Variants in ATG10 observed in about 807,000 individuals in gnomAD.
ATG10 encodes autophagy related 10.
In ATG10, 30 loss-of-function variants were observed where a neutral mutation model predicts 32.1. That is an observed-to-expected ratio of 0.94 (90% CI 0.70 to 1.27). The LOEUF (loss-of-function observed/expected upper bound fraction) is 1.27, where lower values mean the gene tolerates loss of function less well. ATG10 is among the 50% of genes most tolerant of loss of function. The pLI is 0.00. For synonymous variants in ATG10, 87 were observed against 91.5 expected (o/e 0.95, Z 0.28); for missense variants, 233 against 262.3 (o/e 0.89, Z 0.77).
At chr5:81,981,268 A>G (rs1267743400) in intron 1 of ATG10, among the ~76,000 whole-genome samples, 1 of 152,210 alleles carries the variant, frequency 6.6e-6, no homozygotes, top group Non-Finnish European at 1.5e-5. Context: ...CTTTGAAAGT[A>G]TCCCAGGTGC....
chr5:82,214,969 G>T (rs1326334429), intron 5 of ATG10, among the ~76,000 whole-genome samples: 1 of 152,178 alleles, frequency 6.6e-6, no homozygotes, highest in African/African-American at 2.4e-5. Flanking sequence ...TAGCATGGAT[G>T]AAGACATGTA....
At chr5:82,217,108 C>A (rs1015945995) in intron 5 of ATG10, among the ~76,000 whole-genome samples, 4 of 148,206 alleles carry the variant, frequency 2.7e-5, no homozygotes, top group Non-Finnish European at 4.6e-5. Context: ...TTACTTGAAA[C>A]CTGTTTTATA....
intron 3 of ATG10, among the ~76,000 whole-genome samples, chr5:82,111,028 G>T (rs1033671163): frequency 1.3e-5 from 2 of 151,820 alleles, no homozygotes; most frequent in Admixed American, 6.6e-5. Context: ...TTAGAGTTAT[G>T]GTTTTAGGAT....
rs551535574 is a variant in ATG10, at chr5:82,158,398, C to T, written c.217-6001C>T. ...GTTCCGTATCCATGGATTTAGACAA[C>T]CAGGATCAAAACTGTAGTTAGGACT... On this transcript the variant is annotated intron_variant, in intron 3 of 7. Coordinates refer to ENST00000282185, the MANE Select transcript of ATG10 (RefSeq NM_031482.5). Among the ~76,000 whole-genome samples, 9 of 141,934 alleles carry T rather than the reference C, an allele frequency of 6.3e-5. No individual in the cohort carries two copies. The South Asian group carries it at 2.1e-3, about 34-fold the overall frequency. The allele number at this position is 141,934 out of a possible 152,430, so 93.1% of individuals were successfully genotyped here. A position where few individuals can be genotyped will look rare whatever the true frequency, so the allele number is the denominator to read the frequency against.
chr5:82,090,899 A>G lies in ATG10; in HGVS notation c.216+32297A>G, dbSNP rs114443553. On this transcript the variant is annotated intron_variant, in intron 3 of 7. Coordinates refer to ENST00000282185, the MANE Select transcript of ATG10 (RefSeq NM_031482.5). ...GAAAATGATTTTAAAGCTGATAACT[A>G]GGAGGATGAAGGTGCTTTTTAATAT... 5.3e-3 allele frequency among the ~76,000 whole-genome samples: 802 copies of G among 152,344 alleles called. 3 individuals are homozygous for G. Among genetic ancestry groups the G allele is most frequent in the African/African-American group, 0.018 (761 of 41,586 alleles).
Position 82,080,860 on chromosome 5 carries a change from C to T in ATG10, c.216+22258C>T, listed in dbSNP as rs188856536. Among the ~76,000 whole-genome samples, 51 of 152,184 alleles carry T rather than the reference C, an allele frequency of 3.4e-4. No individual in the cohort carries two copies. In the East Asian group the frequency reaches 6.9e-3, roughly 21 times the overall value. ...TGGCAGTGTGGGCTCTTTTTTGTTC[C>T]GTATGAACTTTAAGGTAGTTTTTTC... On this transcript the variant is annotated intron_variant, in intron 3 of 7. Transcript: ENST00000282185.
At chr5:81,993,324 T>C (rs62367450) in intron 2 of ATG10, among the ~76,000 whole-genome samples, 52,879 of 100,512 alleles carry the variant, frequency 0.53, 16,365 homozygotes, top group East Asian at 0.88. Context: ...TCTTTCTTTC[T>C]TTCCTTCCTT....
intron 3 of ATG10, among the ~76,000 whole-genome samples, chr5:82,149,672 G>T (rs539565474): frequency 6.6e-6 from 1 of 151,520 alleles, no homozygotes; most frequent in South Asian, 2.1e-4. Context: ...TACACTGACA[G>T]TTTGAAAATC....
chr5:82,184,354 T>G (rs941867307), intron 5 of ATG10, among the ~76,000 whole-genome samples: 3 of 152,210 alleles, frequency 2.0e-5, no homozygotes, highest in African/African-American at 7.2e-5. Flanking sequence ...ATTGTAATCA[T>G]AATCATTATT....
intron 3 of ATG10, among the ~76,000 whole-genome samples, chr5:82,139,714 G>C (rs1378149932): frequency 8.3e-5 from 12 of 144,700 alleles, no homozygotes; most frequent in Non-Finnish European, 1.2e-4. Flanking sequence ...GGGAGGTGGG[G>C]GGGGGTCAGC....
At position 82,255,373 on chromosome 5, in the gene ATG10, A is replaced by G. The variant is rs774037063; in HGVS notation, c.*1310A>G. The G allele has an allele frequency of 1.3e-5, 2 of 152,216 alleles. No individual in the cohort carries two copies. Among genetic ancestry groups the G allele is most frequent in the Non-Finnish European group, 2.9e-5 (2 of 68,038 alleles). 9.4% of individuals were successfully genotyped at this position (152,216 alleles called of 1,614,324 possible). On this transcript the variant is annotated 3_prime_UTR_variant, in exon 8 of 8. Coordinates refer to ENST00000282185, the MANE Select transcript of ATG10 (RefSeq NM_031482.5). ...AAGTTTCATAGCCAGTTAAGTATTA[A>G]GATAAACCTAACCTGGAACAATTTT...
intron 5 of ATG10, among the ~76,000 whole-genome samples, chr5:82,239,073 C>T (rs1398098470): frequency 6.6e-6 from 1 of 152,102 alleles, no homozygotes; most frequent in Non-Finnish European, 1.5e-5. Flanking sequence ...AAATCCTCTC[C>T]TTCGTTCTTA....
intron 3 of ATG10, among the ~76,000 whole-genome samples, chr5:82,076,274 T>A (rs948414252): frequency 2.0e-5 from 3 of 152,200 alleles, no homozygotes; most frequent in Non-Finnish European, 2.9e-5. Flanking sequence ...TACTGGTATT[T>A]TCTGATTTGT....
At chr5:82,228,784 T>G (rs1213404838) in intron 5 of ATG10, among the ~76,000 whole-genome samples, 1 of 152,146 alleles carries the variant, frequency 6.6e-6, no homozygotes, top group Non-Finnish European at 1.5e-5. Context: ...TTTTTTAAAT[T>G]TAGGTGATGC....
intron 2 of ATG10, among the ~76,000 whole-genome samples, chr5:81,997,298 C>T (rs996480116): frequency 3.9e-5 from 6 of 152,200 alleles, no homozygotes; most frequent in Non-Finnish European, 8.8e-5. Context: ...GCAGCAGGTT[C>T]ATAACCTTGT....
intron 5 of ATG10, among the ~76,000 whole-genome samples, chr5:82,207,569 G>T (rs1278642851): frequency 6.6e-6 from 1 of 152,082 alleles, no homozygotes; most frequent in East Asian, 1.9e-4. Flanking sequence ...AGCTTTTTCA[G>T]CATGGTAGCC....
At chr5:82,119,240 GT>G (rs1204177057) in intron 3 of ATG10, among the ~76,000 whole-genome samples, 1 of 152,048 alleles carries the variant, frequency 6.6e-6, no homozygotes, top group Admixed American at 6.6e-5. Flanking sequence ...TGTATAATCT[GT>G]TTTTTCTACA....
At chr5:82,114,538 A>G (rs1765725701) in intron 3 of ATG10, among the ~76,000 whole-genome samples, 1 of 152,098 alleles carries the variant, frequency 6.6e-6, no homozygotes, top group Non-Finnish European at 1.5e-5. Flanking sequence ...TTGAGGCTTT[A>G]AGGGTAGCTT....
chr5:82,075,005 C>T (rs142173691), intron 3 of ATG10, among the ~76,000 whole-genome samples: 10 of 152,258 alleles, frequency 6.6e-5, no homozygotes, highest in Middle Eastern at 3.4e-3. Flanking sequence ...GTAGCATTTT[C>T]CTGATTGGGA....
Sources: allele counts gnomAD v4.1 joint callset (sites outside exome capture counted in the v4.1 genomes callset), GRCh38; gene constraint gnomAD v4.1.1; transcripts MANE v1.5; gene names NCBI Gene and HGNC (gene_info 2026-07-23, HGNC 2026-07-21).